Variants in SHB observed in about 807,000 individuals in gnomAD.
SHB encodes the protein SH2 domain-containing adapter protein B.
Under a neutral mutation model 52.3 loss-of-function variants are expected in SHB, and 20 were observed. The ratio of observed to expected loss-of-function variants is 0.38; its 90% CI spans 0.27 to 0.56. SHB has a LOEUF of 0.56. SHB is among the 20% of genes least tolerant of loss of function. SHB has a pLI of 0.71. For missense variants in SHB, 825 were observed against 723.3 expected, an observed-to-expected ratio of 1.14 and a Z score of -1.61; for synonymous variants, 397 against 316.5, an observed-to-expected ratio of 1.25 and a Z score of -2.70.
chr9:38,057,675 G>A (rs1020486434), intron 1 of SHB, among the ~76,000 whole-genome samples: 1 of 152,220 alleles, frequency 6.6e-6, no homozygotes, highest in African/African-American at 2.4e-5. Flanking sequence ...CTTTCTGGGA[G>A]TGCACATCCA....
Position 38,029,658 on chromosome 9 carries a change from T to A in SHB, c.718-13527A>T, listed in dbSNP as rs559094387. ...GGCACACGCCACCACGTCCAGCTAA[T>A]CTTTGTATTTTTAGTACAGACAGGG... On this transcript the variant is annotated intron_variant, in intron 1 of 5. Transcript: ENST00000377707. 3.2e-4 allele frequency among the ~76,000 whole-genome samples: 49 copies of A among 152,202 alleles called. 2 individuals are homozygous for A. In the South Asian group the frequency reaches 9.8e-3, roughly 30 times the overall value.
chr9:38,036,837 T>C (rs2118128529), intron 1 of SHB, among the ~76,000 whole-genome samples: 1 of 152,192 alleles, frequency 6.6e-6, no homozygotes, highest in East Asian at 1.9e-4. Context: ...TCTCATATTG[T>C]CCCCATTTTA....
intron 3 of SHB, among the ~76,000 whole-genome samples, chr9:37,962,356 G>A (rs981468166): frequency 6.6e-6 from 1 of 152,194 alleles, no homozygotes; most frequent in Non-Finnish European, 1.5e-5. Flanking sequence ...AGTGTCTGAT[G>A]TACAGTGGAT....
At chr9:37,955,431 G>C (rs1435687255) in intron 4 of SHB, among the ~76,000 whole-genome samples, 1 of 152,080 alleles carries the variant, frequency 6.6e-6, no homozygotes, top group Non-Finnish European at 1.5e-5. Context: ...GGGGAGGTAG[G>C]GGCAGGCTAG....
In SHB at chr9:37,916,360, G is replaced by A. The variant is rs537115607; in HGVS notation, c.*3461C>T. 1.8e-4 allele frequency among the ~76,000 whole-genome samples: 28 copies of A among 152,384 alleles called. No homozygotes were observed. Among genetic ancestry groups the A allele is most frequent in the African/African-American group, 6.7e-4 (28 of 41,596 alleles). On this transcript the variant is annotated 3_prime_UTR_variant, in exon 6 of 6. Coordinates refer to ENST00000377707, the MANE Select transcript of SHB (RefSeq NM_003028.3). ...ACCTGCACAGTCCCTAGGGCTGCAA[G>A]AGCAAATGGGGACCCTGGCTGCCGG...
At chr9:38,034,233 T>C (rs1208672497) in intron 1 of SHB, among the ~76,000 whole-genome samples, 1 of 152,184 alleles carries the variant, frequency 6.6e-6, no homozygotes, top group African/African-American at 2.4e-5. Context: ...TGTAATAACT[T>C]GCCACCTGTA....
rs147792201 is a variant in SHB, at chr9:37,998,581, T to C, written c.838+17430A>G. On this transcript the variant is annotated intron_variant, in intron 2 of 5. Transcript: ENST00000377707. ...AATCCTCCTGCCTCAGCCTCCCGAA[T>C]AGCTGAGACTACAGGCACACGCCAC... Among the ~76,000 whole-genome samples, 549 of 152,286 alleles carry C rather than the reference T, an allele frequency of 3.6e-3. 5 individuals carry two copies. Among genetic ancestry groups the C allele is most frequent in the African/African-American group, 0.013 (521 of 41,568 alleles).
Position 37,916,595 on chromosome 9 carries a change from C to T in SHB, c.*3226G>A, listed in dbSNP as rs866944687. ...TCACTCTCAGGCCACAGAGGGGCCC[C>T]GGCCCACAGCCGCCCTGTGAGGACA... is the stretch of plus-strand genomic sequence containing the variant. On this transcript the variant is annotated 3_prime_UTR_variant, in exon 6 of 6. Coordinates refer to ENST00000377707, the MANE Select transcript of SHB (RefSeq NM_003028.3). Among the ~76,000 whole-genome samples, 13 of 152,362 alleles carry T rather than the reference C, an allele frequency of 8.5e-5. No individual in the cohort carries two copies. The highest frequency in any genetic ancestry group is 2.2e-4 in the African/African-American group (9 of 41,582).
chr9:37,990,571 T>C (rs1587232620), intron 2 of SHB, among the ~76,000 whole-genome samples: 1 of 152,248 alleles, frequency 6.6e-6, no homozygotes, highest in Non-Finnish European at 1.5e-5. Context: ...AAAAGGGAAC[T>C]GTACTCATAG....
At chr9:37,952,530 T>C (rs1482352017) in intron 4 of SHB, among the ~76,000 whole-genome samples, 5 of 152,144 alleles carry the variant, frequency 3.3e-5, no homozygotes, top group African/African-American at 2.4e-5. Context: ...GAGATGTTAC[T>C]TGCCCTGGGA....
chr9:37,963,687 G>A (rs1202423816), intron 3 of SHB, among the ~76,000 whole-genome samples: 1 of 152,164 alleles, frequency 6.6e-6, no homozygotes, highest in Non-Finnish European at 1.5e-5. Flanking sequence ...CTGCTGCCCA[G>A]GTAGTTGTGC....
chr9:38,054,652 T>G (rs1008975935), intron 1 of SHB, among the ~76,000 whole-genome samples: 2 of 152,316 alleles, frequency 1.3e-5, no homozygotes, highest in East Asian at 3.9e-4. Flanking sequence ...AGCTTCTCTC[T>G]GCCTTTGAAG....
At chr9:37,964,539 C>T (rs1244708560) in intron 3 of SHB, among the ~76,000 whole-genome samples, 1 of 152,056 alleles carries the variant, frequency 6.6e-6, no homozygotes, top group Non-Finnish European at 1.5e-5. Context: ...TCTACGGCTG[C>T]CAAAGCAAGC....
intron 2 of SHB, among the ~76,000 whole-genome samples, chr9:37,988,540 C>G (rs1406802841): frequency 6.6e-6 from 1 of 152,158 alleles, no homozygotes; most frequent in African/African-American, 2.4e-5. Context: ...CACCTTCCAG[C>G]AAATGCCTCC....
chr9:37,983,524 G>A (rs761125396), intron 2 of SHB, among the ~76,000 whole-genome samples: 36 of 152,182 alleles, frequency 2.4e-4, no homozygotes, highest in Non-Finnish European at 4.0e-4. Flanking sequence ...TGGCACAGAC[G>A]TGCAGGAGCC....
intron 1 of SHB, among the ~76,000 whole-genome samples, chr9:38,025,043 T>C (rs913711631): frequency 1.3e-5 from 2 of 152,202 alleles, no homozygotes; most frequent in African/African-American, 4.8e-5. Context: ...ACCCAACCCA[T>C]GTTTCCAAAC....
chr9:37,982,654 C>T (rs1820748999), intron 2 of SHB, among the ~76,000 whole-genome samples: 1 of 151,238 alleles, frequency 6.6e-6, no homozygotes, highest in Non-Finnish European at 1.5e-5. Context: ...AAAAAATTAG[C>T]CAGGTGTGGT....
At chr9:37,996,997 A>T (rs765381722) in intron 2 of SHB, among the ~76,000 whole-genome samples, 2 of 152,176 alleles carry the variant, frequency 1.3e-5, no homozygotes, top group Non-Finnish European at 2.9e-5. Flanking sequence ...GAGGATTTCA[A>T]TGAGCTCAAT....
chr9:38,020,053 A>G (rs374299098), intron 1 of SHB, among the ~76,000 whole-genome samples: 1 of 152,346 alleles, frequency 6.6e-6, no homozygotes, highest in African/African-American at 2.4e-5. Flanking sequence ...AGTTAAAGAA[A>G]GGGTCTGGGA....
Sources: allele counts gnomAD v4.1 joint callset (sites outside exome capture counted in the v4.1 genomes callset), GRCh38; gene constraint gnomAD v4.1.1; transcripts MANE v1.5; gene names NCBI Gene and HGNC (gene_info 2026-07-23, HGNC 2026-07-21).